Variants in ZNF254 observed in about 807,000 individuals in gnomAD.
ZNF254 encodes the protein CTD-2017D11.1.
A neutral mutation model predicts 12.4 loss-of-function variants in ZNF254; 10 were observed. That is an observed-to-expected ratio of 0.80 (90% CI 0.50 to 1.36). The LOEUF (loss-of-function observed/expected upper bound fraction) is 1.36, where lower values mean the gene tolerates loss of function less well. Among genes scored for constraint, ZNF254 ranks in the 40% most tolerant of loss-of-function variants. The pLI is 0.00. For synonymous variants in ZNF254, 305 were observed against 253.4 expected (o/e 1.20, Z -1.93); for missense variants, 996 against 763.9 (o/e 1.30, Z -3.58).
intron 1 of ZNF254, among the ~76,000 whole-genome samples, chr19:24,035,536 C>T (rs556279407): frequency 2.2e-4 from 33 of 152,194 alleles, no homozygotes; most frequent in Middle Eastern, 3.4e-3. Flanking sequence ...ATTAGCCGGG[C>T]TTGGTGGCAC....
intron 2 of ZNF254, among the ~76,000 whole-genome samples, chr19:24,067,442 A>G (rs932989273): frequency 6.6e-6 from 1 of 151,906 alleles, no homozygotes; most frequent in African/African-American, 2.4e-5. Context: ...AATTTGACAT[A>G]TCGCTGGGCC....
At chr19:24,047,690 T>C (rs1197471401) in intron 2 of ZNF254, among the ~76,000 whole-genome samples, 1 of 150,648 alleles carries the variant, frequency 6.6e-6, no homozygotes, top group African/African-American at 2.4e-5. Context: ...TTCTTTTTTC[T>C]TTTCTTTTTT....
chr19:24,053,255 T>C (rs965592483), intron 2 of ZNF254, among the ~76,000 whole-genome samples: 5 of 152,214 alleles, frequency 3.3e-5, no homozygotes, highest in Non-Finnish European at 4.4e-5. Flanking sequence ...GAAGTTCTCA[T>C]GCACAAATCC....
intron 2 of ZNF254, 24 bp downstream of exon 2, chr19:24,106,090 T>G: frequency 7.1e-6 from 11 of 1,555,102 alleles, no homozygotes; most frequent in Non-Finnish European, 9.5e-6. Flanking sequence ...TAATACAAAA[T>G]TCCTCACATA....
intron 1 of ZNF254, among the ~76,000 whole-genome samples, chr19:24,044,444 A>G (rs1292551683): frequency 9.9e-5 from 15 of 151,958 alleles, no homozygotes; most frequent in Non-Finnish European, 1.0e-4. Flanking sequence ...AGGCTGAGGC[A>G]AGAAAATGGC....
intron 1 of ZNF254, among the ~76,000 whole-genome samples, chr19:24,094,290 G>A (rs1972552015): frequency 6.6e-6 from 1 of 152,120 alleles, no homozygotes; most frequent in Non-Finnish European, 1.5e-5. Context: ...TTGAGATGGA[G>A]TCTTGCTCTT....
intron 1 of ZNF254, among the ~76,000 whole-genome samples, chr19:24,096,767 C>G (rs1189314179): frequency 6.6e-6 from 1 of 152,162 alleles, no homozygotes; most frequent in Admixed American, 6.5e-5. Flanking sequence ...GTTGTAGTCT[C>G]CCACTGTTAT....
At chr19:24,118,666 A>G (rs1974273719) in intron 3 of ZNF254, among the ~76,000 whole-genome samples, 1 of 152,034 alleles carries the variant, frequency 6.6e-6, no homozygotes. Context: ...TTATCCCTCT[A>G]TTAAATGTTT....
chr19:24,033,694 G>A (rs1969849640), intron 1 of ZNF254: 2 of 288,228 alleles, frequency 6.9e-6, no homozygotes, highest in South Asian at 2.7e-5. Flanking sequence ...CTTCGTCACC[G>A]CTCCCGGGTT....
Position 24,127,492 on chromosome 19 carries a change from T to C in ZNF254, c.1492T>C (p.Ser498Pro). The change falls in exon 4 of 4, where the codon TCT becomes CCT. Residue 498 changes from serine (S) to proline (P), a missense_variant. By Grantham distance (74) the Ser-to-Pro change is moderately conservative (BLOSUM62 -1). Coordinates refer to ENST00000357002, the MANE Select transcript of ZNF254 (RefSeq NM_203282.4). ...CTACAAATGTGAAGAATGTGGCAAA[T>C]CTTTTAGCCAATCCTCAACCCTTAC... The part of the protein sequence containing the change: ...KPYKCEECGK[S>P]FSQSSTLTTH... 1.9e-6 allele frequency: 3 copies of C among 1,592,420 alleles called. No homozygotes were observed. The highest frequency in any genetic ancestry group is 1.7e-5 in the Admixed American group (1 of 57,924).
At chr19:24,085,427 A>ATAT (rs1369362234), upstream of ZNF254, among the ~76,000 whole-genome samples, 31 of 42,414 alleles carry the variant, frequency 7.3e-4, 1 homozygote, top group East Asian at 2.3e-3. Flanking sequence ...TATATATATA[A>ATAT]AAACTAAGAT....
intron 3 of ZNF254, among the ~76,000 whole-genome samples, chr19:24,110,711 G>A (rs1475343116): frequency 2.0e-5 from 3 of 151,930 alleles, no homozygotes; most frequent in Non-Finnish European, 4.4e-5. Flanking sequence ...ACAACCCTTG[G>A]CAAACACCCT....
rs1485803347 is a variant in ZNF254, at chr19:24,061,065, G to T, written c.-94+14786G>T. On this transcript the variant is annotated intron_variant, in intron 2 of 4. Coordinates refer to the ZNF254 transcript ENST00000613065. ...CTTGGACTCTGTCACAGAAGGTATT[G>T]TGATGTATCACTGGGGCTGACACCT... Among the ~76,000 whole-genome samples, 5 of 152,162 alleles carry T rather than the reference G, an allele frequency of 3.3e-5. No individual in the cohort carries two copies. In the East Asian group the frequency reaches 7.7e-4, roughly 23 times the overall value.
At chr19:24,052,354 A>C (rs1223762175) in intron 2 of ZNF254, among the ~76,000 whole-genome samples, 1 of 152,184 alleles carries the variant, frequency 6.6e-6, no homozygotes, top group African/African-American at 2.4e-5. Flanking sequence ...TGTTTCTGGC[A>C]TATTTTGGGT....
intron 2 of ZNF254, among the ~76,000 whole-genome samples, chr19:24,070,288 ATGCCCTT>A (rs1971435627): frequency 6.6e-6 from 1 of 152,256 alleles, no homozygotes; most frequent in Non-Finnish European, 1.5e-5. Flanking sequence ...AATGCATTGA[ATGCCCTT>A]ACATGGCCCA....
intron 2 of ZNF254, among the ~76,000 whole-genome samples, chr19:24,053,969 A>T (rs2145335908): frequency 6.6e-6 from 1 of 151,148 alleles, no homozygotes; most frequent in East Asian, 1.9e-4. Context: ...GGCTCTGCCC[A>T]CAGGGACCTT....
At chr19:24,083,324 T>A, upstream of ZNF254, among the ~76,000 whole-genome samples, 1 of 152,162 alleles carries the variant, frequency 6.6e-6, no homozygotes, top group Non-Finnish European at 1.5e-5. Context: ...AGATGACACA[T>A]ACAAATAAAA....
chr19:24,063,112 A>T (rs62114830), intron 2 of ZNF254, among the ~76,000 whole-genome samples: 22,575 of 152,078 alleles, frequency 0.15, 1,934 homozygotes, highest in Middle Eastern at 0.23. Context: ...AAGGCACATA[A>T]TTTGCAAAAG....
intron 2 of ZNF254, chr19:24,049,531 G>A (rs1389805580): frequency 6.6e-5 from 10 of 152,090 alleles, no homozygotes; most frequent in Non-Finnish European, 1.2e-4. Flanking sequence ...GTGACATATC[G>A]TTGGACCCAG....
Sources: allele counts gnomAD v4.1 joint callset (sites outside exome capture counted in the v4.1 genomes callset), GRCh38; gene constraint gnomAD v4.1.1; transcripts MANE v1.5; gene names NCBI Gene and HGNC (gene_info 2026-07-23, HGNC 2026-07-21).